The following PCED1B variants were observed in gnomAD, a reference collection of about 807,000 sequenced individuals.
The protein encoded by PCED1B is PC-esterase domain containing 1B.
For synonymous variants in PCED1B, 251 were observed against 246.1 expected (o/e 1.02, Z -0.19); for missense variants, 573 against 573.9 (o/e 1.00, Z 0.02).
At chr12:47,093,826 T>C (rs1371674811) in intron 1 of PCED1B, among the ~76,000 whole-genome samples, 2 of 152,068 alleles carry the variant, frequency 1.3e-5, no homozygotes, top group Non-Finnish European at 2.9e-5. Flanking sequence ...TGTTGAGACT[T>C]TTTTCTTGTT....
chr12:47,086,382 AAGG>A (rs1419778149), intron 1 of PCED1B, among the ~76,000 whole-genome samples: 1 of 145,722 alleles, frequency 6.9e-6, no homozygotes, highest in African/African-American at 2.5e-5. Flanking sequence ...AAAAAAAAAA[AAGG>A]AAGTTACAGG....
chr12:47,195,346 A>AAAAGAAAG (rs1165199945), intron 2 of PCED1B, among the ~76,000 whole-genome samples: 1 of 152,078 alleles, frequency 6.6e-6, no homozygotes, highest in East Asian at 1.9e-4. Context: ...AAAAAAGAAA[A>AAAAGAAAG]AAAGAAATAT....
chr12:47,211,943 C>A (rs1943099930), intron 2 of PCED1B, among the ~76,000 whole-genome samples: 3 of 150,946 alleles, frequency 2.0e-5, no homozygotes, highest in Non-Finnish European at 4.5e-5. Flanking sequence ...GGCGTAGTGG[C>A]GGGCGCCTGT....
Position 47,235,231 on chromosome 12 carries a change from C to T in PCED1B, c.168C>T (p.Phe56=). ...TTAGAGCAAGGGGGGAGCTGAACTT[C>T]GAACAAGATGAGCTGGTGGACGGAG... The part of the protein sequence containing the change: ...GQLRARGELN[F]EQDELVDGGQ... Residue 56 remains phenylalanine, a synonymous_variant, in exon 4 of 4, where the codon TTC becomes TTT. Coordinates refer to ENST00000546455, the MANE Select transcript of PCED1B (RefSeq NM_138371.3). 6.2e-7 allele frequency: 1 copy of T among 1,611,506 alleles called. No individual in the cohort carries two copies. The highest frequency in any genetic ancestry group is 8.5e-7 in the Non-Finnish European group (1 of 1,178,504).
intron 2 of PCED1B, among the ~76,000 whole-genome samples, chr12:47,184,412 G>T (rs1468215015): frequency 6.6e-6 from 1 of 152,140 alleles, no homozygotes; most frequent in African/African-American, 2.4e-5. Context: ...CCATCCAGGT[G>T]ATGCCAAGTA....
At chr12:47,214,734 A>G (rs2137789805) in intron 2 of PCED1B, among the ~76,000 whole-genome samples, 1 of 152,330 alleles carries the variant, frequency 6.6e-6, no homozygotes, top group Non-Finnish European at 1.5e-5. Flanking sequence ...GTCTGAGAGC[A>G]GGACTCTTCC....
intron 1 of PCED1B, among the ~76,000 whole-genome samples, chr12:47,090,735 A>G (rs115025491): frequency 0.011 from 1,638 of 152,182 alleles, 26 homozygotes; most frequent in African/African-American, 0.038. Flanking sequence ...GCTCATCTTT[A>G]TGTTGGAGAG....
At chr12:47,206,760 A>C (rs1942924355) in intron 2 of PCED1B, among the ~76,000 whole-genome samples, 1 of 151,914 alleles carries the variant, frequency 6.6e-6, no homozygotes, top group Non-Finnish European at 1.5e-5. Flanking sequence ...CCCGCAACAA[A>C]AAAAAAATCC....
intron 2 of PCED1B, among the ~76,000 whole-genome samples, chr12:47,201,291 A>G (rs2137709273): frequency 1.3e-5 from 2 of 152,296 alleles, no homozygotes; most frequent in South Asian, 4.2e-4. Context: ...GGGCGTTATC[A>G]ATCAGACGAA....
At chr12:47,194,083 C>T (rs1311400643) in intron 2 of PCED1B, among the ~76,000 whole-genome samples, 3 of 152,178 alleles carry the variant, frequency 2.0e-5, no homozygotes, top group Non-Finnish European at 2.9e-5. Context: ...CAGGAGTGGC[C>T]GCTTGCCCTT....
intron 2 of PCED1B, among the ~76,000 whole-genome samples, chr12:47,154,033 C>T (rs1014685928): frequency 7.9e-5 from 12 of 152,166 alleles, no homozygotes; most frequent in African/African-American, 2.9e-4. Flanking sequence ...ATGCATTTAA[C>T]GTATTACATC....
At chr12:47,185,420 T>C (rs1378784103) in intron 2 of PCED1B, among the ~76,000 whole-genome samples, 2 of 152,182 alleles carry the variant, frequency 1.3e-5, no homozygotes, top group African/African-American at 4.8e-5. Context: ...ATGCCAAGTA[T>C]TGCTGGTGTA....
chr12:47,139,960 A>ATG lies in PCED1B; in HGVS notation c.-526+35776_-526+35777dup, dbSNP rs1940532604. On this transcript the variant is annotated intron_variant, in intron 2 of 3. Transcript: ENST00000546455. ...TGAGTAGGGTATAAAATATTAGATG[A>ATG]TGTGTGTGTGTGGTATATATTGAAG... 4.6e-5 allele frequency among the ~76,000 whole-genome samples: 7 copies of ATG among 151,062 alleles called. No homozygotes were observed. In the South Asian group the frequency reaches 1.2e-3, roughly 27 times the overall value.
chr12:47,140,037 A>T (rs563975591), intron 2 of PCED1B, among the ~76,000 whole-genome samples: 2 of 152,286 alleles, frequency 1.3e-5, no homozygotes, highest in East Asian at 3.9e-4. Flanking sequence ...TGCCAGGGTG[A>T]TTGAAAACTC....
chr12:47,204,266 T>A (rs1262386088), intron 2 of PCED1B, among the ~76,000 whole-genome samples: 2 of 145,332 alleles, frequency 1.4e-5, no homozygotes, highest in Non-Finnish European at 3.1e-5. Context: ...GAATTTAAAA[T>A]TTTTTTTTTC....
At chr12:47,117,294 C>T (rs919064189) in intron 2 of PCED1B, among the ~76,000 whole-genome samples, 2 of 152,100 alleles carry the variant, frequency 1.3e-5, no homozygotes, top group African/African-American at 2.4e-5. Flanking sequence ...GTGTGCTGCA[C>T]CCATTAACTC....
chr12:47,122,072 C>G (rs575783859), intron 2 of PCED1B, among the ~76,000 whole-genome samples: 1 of 146,604 alleles, frequency 6.8e-6, no homozygotes, highest in Non-Finnish European at 1.5e-5. Context: ...TTTTTTTTCT[C>G]TAAAATGGGT....
At chr12:47,186,942 G>A (rs1942289741) in intron 2 of PCED1B, among the ~76,000 whole-genome samples, 1 of 152,202 alleles carries the variant, frequency 6.6e-6, no homozygotes, top group Admixed American at 6.5e-5. Context: ...TAAAGGGAAG[G>A]AGATTTCCAT....
intron 1 of PCED1B, among the ~76,000 whole-genome samples, chr12:47,086,729 G>A (rs1938005333): frequency 6.6e-6 from 1 of 152,042 alleles, no homozygotes. Context: ...GCCTGAAGAG[G>A]TCATCTGATT....
Sources: gnomAD v4.1 joint callset for allele counts (sites outside exome capture counted in the v4.1 genomes callset) on GRCh38, gnomAD v4.1.1 for gene constraint, MANE v1.5 for transcripts, NCBI Gene and HGNC (gene_info 2026-07-23, HGNC 2026-07-21) for gene names.